FOXP1: variants seen among roughly 807,000 people sequenced by gnomAD.
The protein encoded by FOXP1 is forkhead box protein P1.
In FOXP1, 15 loss-of-function variants were observed where a neutral mutation model predicts 98.2. That is an observed-to-expected ratio of 0.15 (90% CI 0.10 to 0.24). FOXP1 has a LOEUF of 0.24. FOXP1 is among the 10% of genes least tolerant of loss of function. The probability of loss-of-function intolerance (pLI) is 1.00; values close to 1 mark genes in which losing one functional copy is unlikely to be tolerated. For synonymous variants in FOXP1, 371 were observed against 314.5 expected (o/e 1.18, Z -1.90); for missense variants, 633 against 848.5 (o/e 0.75, Z 3.15).
chr3:71,512,896 G>A (rs1014572715), intron 2 of FOXP1, among the ~76,000 whole-genome samples: 1 of 152,086 alleles, frequency 6.6e-6, no homozygotes, highest in Non-Finnish European at 1.5e-5. Context: ...CCAGCCCTAC[G>A]GCTCAAGCAC....
intron 12 of FOXP1, among the ~76,000 whole-genome samples, chr3:71,002,863 A>C (rs1164113539): frequency 6.6e-6 from 1 of 152,188 alleles, no homozygotes; most frequent in African/African-American, 2.4e-5. Context: ...CTAGGATTCC[A>C]TCCACTCGAT....
At position 71,326,991 on chromosome 3, in the gene FOXP1, C is replaced by A. The variant is rs570283251; in HGVS notation, c.-72-27111G>T. Among the ~76,000 whole-genome samples, 51 of 152,088 alleles carry A rather than the reference C, an allele frequency of 3.4e-4. No individual in the cohort carries two copies. In the South Asian group the frequency reaches 9.1e-3, roughly 27 times the overall value. On this transcript the variant is annotated intron_variant, in intron 4 of 20. Coordinates refer to ENST00000649528, the MANE Select transcript of FOXP1 (RefSeq NM_001349338.3). ...ATTGAACAGATGAGGAAACTAAGGC[C>A]CAGCAAGGTAACTAGTCCCAATTCA...
intron 3 of FOXP1, among the ~76,000 whole-genome samples, chr3:71,453,375 T>C (rs544322058): frequency 6.6e-6 from 1 of 152,290 alleles, no homozygotes; most frequent in African/African-American, 2.4e-5. Context: ...AATTATCAGA[T>C]GCAATATTCA....
chr3:71,547,148 T>A (rs575217030), intron 2 of FOXP1, among the ~76,000 whole-genome samples: 1 of 152,326 alleles, frequency 6.6e-6, no homozygotes, highest in African/African-American at 2.4e-5. Context: ...GAGTTTTACA[T>A]AAACTAAAAA....
At chr3:71,330,433 T>C (rs2076224148) in intron 4 of FOXP1, among the ~76,000 whole-genome samples, 1 of 152,288 alleles carries the variant, frequency 6.6e-6, no homozygotes, top group East Asian at 1.9e-4. Flanking sequence ...AAGATGACAG[T>C]CCACACATTT....
At chr3:71,333,290 T>C (rs1221004063) in intron 4 of FOXP1, 2 of 152,172 alleles carry the variant, frequency 1.3e-5, no homozygotes, top group African/African-American at 2.4e-5. Flanking sequence ...TCTAAGGAAT[T>C]AGAAGATCTC....
chr3:71,109,485 C>T (rs866283797), intron 7 of FOXP1, among the ~76,000 whole-genome samples: 1 of 151,296 alleles, frequency 6.6e-6, no homozygotes, highest in South Asian at 2.1e-4. Flanking sequence ...GTCAAGCCTT[C>T]CTCTATGCAG....
At chr3:71,466,703 C>T (rs2088783033) in intron 3 of FOXP1, among the ~76,000 whole-genome samples, 1 of 152,164 alleles carries the variant, frequency 6.6e-6, no homozygotes, top group Non-Finnish European at 1.5e-5. Context: ...GGGACGTGAG[C>T]CCCACCCCAG....
At chr3:71,296,028 G>A (rs1458796123) in intron 5 of FOXP1, 1 of 152,134 alleles carries the variant, frequency 6.6e-6, no homozygotes, top group East Asian at 1.9e-4. Flanking sequence ...GATCTAGTTG[G>A]AAGAAAATTG....
At chr3:71,193,747 C>T (rs141269734) in intron 6 of FOXP1, among the ~76,000 whole-genome samples, 1,638 of 152,300 alleles carry the variant, frequency 0.011, 18 homozygotes, top group Middle Eastern at 0.037. Context: ...CCACAGACAG[C>T]CTCTACATCC....
intron 2 of FOXP1, among the ~76,000 whole-genome samples, chr3:71,545,705 A>G (rs1036775178): frequency 1.3e-5 from 2 of 152,244 alleles, no homozygotes; most frequent in African/African-American, 4.8e-5. Context: ...TTTTCGCAAT[A>G]GGTAGGAACC....
Position 71,006,814 on chromosome 3 carries a change from C to T in FOXP1, c.975-5755G>A, listed in dbSNP as rs149148928. 1.4e-3 allele frequency among the ~76,000 whole-genome samples: 207 copies of T among 152,150 alleles called. 1 individual carries two copies. The highest frequency in any genetic ancestry group is 4.8e-3 in the African/African-American group (198 of 41,526). On this transcript the variant is annotated intron_variant, in intron 12 of 20. Coordinates refer to ENST00000649528, the MANE Select transcript of FOXP1 (RefSeq NM_001349338.3). Reference sequence around the variant, plus strand: ...AGAATTAATTGCATAAGTAGACATTCAAAAAATTTTCCAATGTTTTCAAAG... The same window carrying T: ...AGAATTAATTGCATAAGTAGACATTTAAAAAATTTTCCAATGTTTTCAAAG...
At chr3:71,181,754 C>G (rs559426585) in intron 6 of FOXP1, among the ~76,000 whole-genome samples, 2 of 152,018 alleles carry the variant, frequency 1.3e-5, no homozygotes, top group African/African-American at 4.8e-5. Flanking sequence ...CAAATGTGGC[C>G]GGGCGCGGTG....
intron 3 of FOXP1, among the ~76,000 whole-genome samples, chr3:71,389,471 A>T (rs1560413678): frequency 6.6e-6 from 1 of 152,186 alleles, no homozygotes; most frequent in Non-Finnish European, 1.5e-5. Context: ...GAGGATGAAC[A>T]CAACGACGTG....
chr3:70,959,605 T>C (rs1344228828), intron 20 of FOXP1, among the ~76,000 whole-genome samples: 1 of 152,246 alleles, frequency 6.6e-6, no homozygotes, highest in Non-Finnish European at 1.5e-5. Flanking sequence ...GCCACATTTA[T>C]GTTCAAAGGC....
chr3:71,230,677 G>T (rs2066216029), intron 5 of FOXP1, among the ~76,000 whole-genome samples: 1 of 152,202 alleles, frequency 6.6e-6, no homozygotes, highest in Non-Finnish European at 1.5e-5. Flanking sequence ...AAAGATTGGT[G>T]CATAAACTCA....
chr3:71,416,009 C>G (rs1017755610), intron 3 of FOXP1, among the ~76,000 whole-genome samples: 5 of 152,202 alleles, frequency 3.3e-5, no homozygotes, highest in Non-Finnish European at 7.3e-5. Context: ...CAACTACTAT[C>G]AATCACCATT....
At chr3:71,324,317 G>A (rs1201374876) in intron 4 of FOXP1, among the ~76,000 whole-genome samples, 3 of 152,170 alleles carry the variant, frequency 2.0e-5, no homozygotes, top group African/African-American at 4.8e-5. Flanking sequence ...ACATGCACAC[G>A]TATGTTTACT....
intron 6 of FOXP1, among the ~76,000 whole-genome samples, chr3:71,180,371 G>T (rs2062215978): frequency 6.6e-6 from 1 of 151,776 alleles, no homozygotes; most frequent in African/African-American, 2.4e-5. Flanking sequence ...CTAATCCCAT[G>T]GAAAATATAG....
Sources: allele counts gnomAD v4.1 joint callset (sites outside exome capture counted in the v4.1 genomes callset), GRCh38; gene constraint gnomAD v4.1.1; transcripts MANE v1.5; gene names NCBI Gene and HGNC (gene_info 2026-07-23, HGNC 2026-07-21).